The following SLC44A5 variants were observed in gnomAD, a reference collection of about 807,000 sequenced individuals.
The protein encoded by SLC44A5 is solute carrier family 44 member 5, also known as choline transporter-like protein 5.
SLC44A5 carries 57 observed loss-of-function variants against 101.8 expected under a neutral mutation model. That is an observed-to-expected ratio of 0.56 (90% CI 0.45 to 0.70). The LOEUF (loss-of-function observed/expected upper bound fraction) is 0.70. Among genes scored for constraint, SLC44A5 ranks in the 30% least tolerant of loss-of-function variants. SLC44A5 has a pLI of 0.00. For missense variants in SLC44A5, 737 were observed against 853.1 expected (o/e 0.86, Z 1.70); for synonymous variants, 281 against 290.9 (o/e 0.97, Z 0.35).
At chr1:75,371,721 G>A (rs553040623) in intron 3 of SLC44A5, among the ~76,000 whole-genome samples, 52 of 152,186 alleles carry the variant, frequency 3.4e-4, no homozygotes, top group African/African-American at 1.2e-3. Context: ...ACTAACCTAC[G>A]AAAAGCTAAA....
chr1:75,211,596 A>T (rs954392574), intron 22 of SLC44A5, 44 bp from the exon 23 acceptor site: 1 of 1,380,254 alleles, frequency 7.2e-7, no homozygotes, highest in Non-Finnish European at 1.0e-6. Context: ...ATTTACTTTG[A>T]CCAGAAGAAG....
chr1:75,669,324 C>A, the SLC44A5 span, among the ~76,000 whole-genome samples: 1 of 152,158 alleles, frequency 6.6e-6, no homozygotes, highest in Non-Finnish European at 1.5e-5. Flanking sequence ...TACCCAAGGT[C>A]ACTGTACTGA....
At chr1:75,291,450 T>G (rs1172791224) in intron 5 of SLC44A5, among the ~76,000 whole-genome samples, 2 of 152,176 alleles carry the variant, frequency 1.3e-5, no homozygotes, top group Non-Finnish European at 2.9e-5. Flanking sequence ...TAGATTTTAA[T>G]GAATTAACTG....
Position 75,277,615 on chromosome 1 carries a change from G to C in SLC44A5, c.176-2573C>G, listed in dbSNP as rs561375780. ...AGATCAGCAAAATGTTCATAATGTA[G>C]GAAAAGAGATGACAGGCAATTTTGG... On this transcript the variant is annotated intron_variant, in intron 5 of 23. Transcript: ENST00000370859. Among the ~76,000 whole-genome samples the C allele has an allele frequency of 2.2e-4, 33 of 151,964 alleles. No homozygotes were observed. In the South Asian group the frequency reaches 5.2e-3, roughly 24 times the overall value.
chr1:75,543,630 T>C (rs1447237727), intron 1 of SLC44A5, among the ~76,000 whole-genome samples: 1 of 144,738 alleles, frequency 6.9e-6, no homozygotes, highest in Non-Finnish European at 1.5e-5. Context: ...TATATATACG[T>C]ATATATACAC....
intron 7 of SLC44A5, among the ~76,000 whole-genome samples, chr1:75,243,722 G>A (rs1486692639): frequency 1.3e-5 from 2 of 152,122 alleles, no homozygotes; most frequent in East Asian, 1.9e-4. Context: ...GTATAGTTTG[G>A]TTATTTGTCC....
intron 2 of SLC44A5, among the ~76,000 whole-genome samples, chr1:75,535,862 T>G (rs907551159): frequency 1.3e-5 from 2 of 152,084 alleles, no homozygotes; most frequent in African/African-American, 4.8e-5. Flanking sequence ...AGTTGGCATC[T>G]AAGACACCAT....
At chr1:75,563,236 AC>A (rs1672616489) in intron 1 of SLC44A5, among the ~76,000 whole-genome samples, 1 of 152,190 alleles carries the variant, frequency 6.6e-6, no homozygotes, top group African/African-American at 2.4e-5. Flanking sequence ...GAAATGTAAA[AC>A]TAAATTAAGC....
rs577727557 is a variant in SLC44A5 at position 75,417,339 on chromosome 1, C to T, written c.14-20718G>A. On this transcript the variant is annotated intron_variant, in intron 2 of 23. Transcript: ENST00000370859. ...GGTCCTCCTTGCCTTCTGCCATGATCGTGAGGCTTCTACAGCCACATGGAA... is the reference window on the plus strand; with the variant it reads ...GGTCCTCCTTGCCTTCTGCCATGATTGTGAGGCTTCTACAGCCACATGGAA... Among the ~76,000 whole-genome samples, 4 of 152,318 alleles carry T rather than the reference C, an allele frequency of 2.6e-5. No individual in the cohort carries two copies. The South Asian group carries it at 6.2e-4, about 24-fold the overall frequency.
In SLC44A5 at chr1:75,376,524, TA is replaced by T. The variant is rs1424761714; in HGVS notation, c.52+20058del. ...CAGACTGCCTCCTCAAGAGGGTCCC[TA>T]AACCCCGAGCAGCCTAACTGGGAGG... On this transcript the variant is annotated intron_variant, in intron 3 of 23. Coordinates refer to ENST00000370859, the MANE Select transcript of SLC44A5 (RefSeq NM_001130058.2). Among the ~76,000 whole-genome samples, 22 of 152,298 alleles carry T rather than the reference TA, an allele frequency of 1.4e-4. No individual in the cohort carries two copies. In the East Asian group the frequency reaches 2.9e-3, roughly 20 times the overall value.
In SLC44A5 at chr1:75,203,717, G is replaced by A; in HGVS notation, c.*10C>T. On this transcript the variant is annotated 3_prime_UTR_variant, in exon 24 of 24. Transcript: ENST00000370859. The stretch of plus-strand genomic sequence containing the variant: ...GTAACACACAGCTGTAGGACGACCA[G>A]TTTGCTCTTCTACTGCTTCCTAGTT... 1.9e-6 allele frequency: 3 copies of A among 1,547,110 alleles called. No individual in the cohort carries two copies. The highest frequency in any genetic ancestry group is 2.6e-6 in the Non-Finnish European group (3 of 1,144,916).
chr1:75,518,862 A>C (rs1669971826), intron 2 of SLC44A5, among the ~76,000 whole-genome samples: 1 of 152,192 alleles, frequency 6.6e-6, no homozygotes, highest in Non-Finnish European at 1.5e-5. Flanking sequence ...TGACAGGGAC[A>C]GGGAGTGAAT....
At chr1:75,330,151 G>GTGTATGCATATATATACGTA (rs1557669677) in intron 4 of SLC44A5, among the ~76,000 whole-genome samples, 1 of 117,788 alleles carries the variant, frequency 8.5e-6, no homozygotes, top group Non-Finnish European at 1.7e-5. Context: ...ATGCATATAC[G>GTGTATGCATATATATACGTA]TATATGCATA....
At chr1:75,607,006 C>A (rs1349866157) in intron 1 of SLC44A5, among the ~76,000 whole-genome samples, 4 of 151,988 alleles carry the variant, frequency 2.6e-5, no homozygotes. Flanking sequence ...ATCTTAAATA[C>A]CACCAATGTT....
chr1:75,203,995 A>T (rs923279092), intron 23 of SLC44A5, among the ~76,000 whole-genome samples, 162 bp from the exon 24 acceptor site: 1 of 152,024 alleles, frequency 6.6e-6, no homozygotes, highest in Admixed American at 6.6e-5. Flanking sequence ...ACATTATTGT[A>T]AACATAGTTA....
At chr1:75,408,808 G>A (rs189060953) in intron 2 of SLC44A5, among the ~76,000 whole-genome samples, 92 of 152,242 alleles carry the variant, frequency 6.0e-4, no homozygotes, top group African/African-American at 2.0e-3. Flanking sequence ...GTATACCTAT[G>A]TAACAAACCT....
the SLC44A5 span, among the ~76,000 whole-genome samples, chr1:75,636,127 T>G: frequency 2.6e-5 from 4 of 152,068 alleles, no homozygotes; most frequent in African/African-American, 7.2e-5. Context: ...CATCCATGTT[T>G]ACACATTTTT....
chr1:75,325,715 T>C (rs1656533018), intron 4 of SLC44A5, among the ~76,000 whole-genome samples: 1 of 151,570 alleles, frequency 6.6e-6, no homozygotes. Flanking sequence ...GGAAAATGCA[T>C]AGCATATGTT....
At chr1:75,408,812 C>A (rs948393496) in intron 2 of SLC44A5, among the ~76,000 whole-genome samples, 2 of 152,092 alleles carry the variant, frequency 1.3e-5, no homozygotes. Context: ...ACCTATGTAA[C>A]AAACCTGCAC....
Sources: gnomAD v4.1 joint callset for allele counts (sites outside exome capture counted in the v4.1 genomes callset) on GRCh38, gnomAD v4.1.1 for gene constraint, MANE v1.5 for transcripts, NCBI Gene and HGNC (gene_info 2026-07-23, HGNC 2026-07-21) for gene names.